ELFN2: variants seen among roughly 807,000 people sequenced by gnomAD.
ELFN2 encodes the protein extracellular leucine rich repeat and fibronectin type III domain containing 2.
A neutral mutation model predicts 45.5 loss-of-function variants in ELFN2; 17 were observed. The observed-to-expected ratio is 0.37, with a 90% CI of 0.26 to 0.56. The LOEUF (loss-of-function observed/expected upper bound fraction) is 0.56. Ranked by LOEUF, ELFN2 falls within the 20% of genes least tolerant of loss-of-function variation. The pLI is 0.77. For synonymous variants in ELFN2, 550 were observed against 551.5 expected (o/e 1.00, Z 0.04); for missense variants, 922 against 1,183.2 (o/e 0.78, Z 3.24).
chr22:37,382,509 C>G (rs1376127349), intron 2 of ELFN2, among the ~76,000 whole-genome samples: 1 of 148,924 alleles, frequency 6.7e-6, no homozygotes, highest in Non-Finnish European at 1.5e-5. Context: ...TCCCAAAGTA[C>G]TGGGATTATA....
intron 2 of ELFN2, among the ~76,000 whole-genome samples, chr22:37,401,345 A>G (rs114804777): frequency 0.039 from 5,949 of 152,330 alleles, 143 homozygotes; most frequent in Middle Eastern, 0.061. Flanking sequence ...TGAGGCCCAG[A>G]GAGCCAAAGC....
rs1005141860 is a variant in ELFN2 at position 37,351,027 on chromosome 22, T to C, written n.149-8324A>G. ...GCTTCTCCTCTCCAGGCCCGGTTCC[T>C]CCTCTTTTAAATGAGGGGTGCCATT... is the stretch of plus-strand genomic sequence containing the variant. On this transcript the variant is annotated intron_variant and non_coding_transcript_variant, in intron 1 of 2. Coordinates refer to ENST00000452946, the Ensembl canonical transcript of ELFN2. Among the ~76,000 whole-genome samples, 18 of 150,214 alleles carry C rather than the reference T, an allele frequency of 1.2e-4. 1 individual carries two copies. The highest frequency in any genetic ancestry group is 3.3e-4 in the Admixed American group (5 of 15,126).
At position 37,351,142 on chromosome 22, in the gene ELFN2, T is replaced by TC. The variant is rs544603343; in HGVS notation, n.149-8440dup. Reference sequence around the variant, plus strand: ...GTGCCCACCTGCCTGCCTCCTCTCCTCCCTCCTCCCTCCTCTCCTCCTTCT... The same window carrying TC: ...GTGCCCACCTGCCTGCCTCCTCTCCTCCCCTCCTCCCTCCTCTCCTCCTTCT... On this transcript the variant is annotated intron_variant and non_coding_transcript_variant, in intron 1 of 2. Coordinates refer to ENST00000452946, the Ensembl canonical transcript of ELFN2. 2.6e-3 allele frequency among the ~76,000 whole-genome samples: 383 copies of TC among 148,670 alleles called. 3 individuals are homozygous for TC. The highest frequency in any genetic ancestry group is 8.7e-3 in the African/African-American group (354 of 40,876).
At chr22:37,408,517 T>C (rs981123018) in intron 2 of ELFN2, among the ~76,000 whole-genome samples, 6 of 152,232 alleles carry the variant, frequency 3.9e-5, no homozygotes, top group South Asian at 2.1e-4. Context: ...TGAAGTCACT[T>C]GCTCAGTAAA....
downstream of ELFN2, among the ~76,000 whole-genome samples, chr22:37,363,018 G>GC (rs1220579651): frequency 6.6e-6 from 1 of 152,164 alleles, no homozygotes; most frequent in African/African-American, 2.4e-5. Flanking sequence ...GCAGCCCAGG[G>GC]CCCCCCGAGG....
At chr22:37,394,546 T>G (rs1932162137) in intron 2 of ELFN2, among the ~76,000 whole-genome samples, 1 of 152,140 alleles carries the variant, frequency 6.6e-6, no homozygotes, top group Admixed American at 6.5e-5. Context: ...CCAGCCCCCG[T>G]GGACCGTCAG....
intron 2 of ELFN2, among the ~76,000 whole-genome samples, chr22:37,400,176 C>T (rs1932327531): frequency 6.6e-6 from 1 of 152,198 alleles, no homozygotes. Flanking sequence ...TCAGGGGCCT[C>T]AACCACCCTC....
chr22:37,419,904 G>T (rs1331522001), intron 1 of ELFN2, among the ~76,000 whole-genome samples: 10 of 152,062 alleles, frequency 6.6e-5, no homozygotes, highest in Non-Finnish European at 1.5e-4. Context: ...TGCCCAGCGC[G>T]GCCCGCCCCG....
In ELFN2 at chr22:37,368,222, C is replaced by G. The variant is rs1931251428; in HGVS notation, c.*4850G>C. On this transcript the variant is annotated 3_prime_UTR_variant, in exon 3 of 3. Transcript: ENST00000402918. ...TTCAGAGCCCAGGGCCTGAGCCCAG[C>G]TCTGCAGGACCCAAACCAGGTGCCC... is the stretch of plus-strand genomic sequence containing the variant. The G allele has an allele frequency of 6.6e-6, 1 of 152,254 alleles. No homozygotes were observed. The highest frequency in any genetic ancestry group is 2.1e-4 in the South Asian group (1 of 4,838). 9.4% of individuals were successfully genotyped at this position (152,254 alleles called of 1,614,324 possible). A position where few individuals can be genotyped will look rare whatever the true frequency, so the allele number is the denominator to read the frequency against.
chr22:37,359,719 G>A (rs1485156807), intron 1 of ELFN2, among the ~76,000 whole-genome samples: 2 of 152,332 alleles, frequency 1.3e-5, no homozygotes, highest in South Asian at 4.1e-4. Context: ...CATGGGGCAG[G>A]GCAGACGAGC....
intron 1 of ELFN2, among the ~76,000 whole-genome samples, chr22:37,347,060 C>T (rs1192324021): frequency 6.6e-6 from 1 of 152,130 alleles, no homozygotes. Flanking sequence ...CTCACTGCAA[C>T]CTCTGCCCCC....
intron 1 of ELFN2, among the ~76,000 whole-genome samples, chr22:37,350,559 G>T (rs1930798657): frequency 6.6e-6 from 1 of 150,458 alleles, no homozygotes; most frequent in African/African-American, 2.4e-5. Context: ...CCCACCGCAG[G>T]GCCCTAGGCC....
rs1471218702 is a variant in ELFN2, at chr22:37,370,353, C to T, written c.*2719G>A. On this transcript the variant is annotated 3_prime_UTR_variant, in exon 3 of 3. Transcript: ENST00000402918. ...ACGGGTTCCTTTCTCAAAGCCCCCA[C>T]CCTCTCCCTGAAGCCCCCCACGAAG... 1 of 152,176 alleles carries T rather than the reference C, an allele frequency of 6.6e-6. No homozygotes were observed. Among genetic ancestry groups the T allele is most frequent in the African/African-American group, 2.4e-5 (1 of 41,342 alleles). 9.4% of individuals were successfully genotyped at this position (152,176 alleles called of 1,614,324 possible). A position where few individuals can be genotyped will look rare whatever the true frequency, so the allele number is the denominator to read the frequency against.
chr22:37,355,635 G>T (rs1930930868), intron 1 of ELFN2, among the ~76,000 whole-genome samples: 1 of 152,150 alleles, frequency 6.6e-6, no homozygotes, highest in Non-Finnish European at 1.5e-5. Context: ...AGGAGCCCCA[G>T]CAGACATCTT....
chr22:37,410,457 G>A (rs932428542), intron 2 of ELFN2, among the ~76,000 whole-genome samples: 3 of 152,048 alleles, frequency 2.0e-5, no homozygotes, highest in African/African-American at 4.8e-5. Flanking sequence ...TGCTGGCTCC[G>A]ACCCTCCAGC....
chr22:37,382,490 G>A (rs931459768), intron 2 of ELFN2, among the ~76,000 whole-genome samples: 23 of 149,286 alleles, frequency 1.5e-4, no homozygotes, highest in African/African-American at 1.5e-4. Context: ...TGATCCGCCC[G>A]CCTCGGCCTC....
In ELFN2 at chr22:37,374,168, GCGGCGTGCACAATGGAGC is replaced by G. The variant is rs1931485355; in HGVS notation, c.1349_1366del (p.Gly450_Ala455del). ...CACGGGAGGCTCGCCCAGCTTCTGG[GCGGCGTGCACAATGGAGC>G]CGGCATCCACATCAGCCCCGTAGCG... On this transcript the variant is annotated inframe_deletion, in exon 3 of 3. Coordinates refer to ENST00000402918, the MANE Select transcript of ELFN2 (RefSeq NM_052906.5). The G allele has an allele frequency of 6.2e-7, 1 of 1,613,158 alleles. No individual in the cohort carries two copies. The highest frequency in any genetic ancestry group is 8.5e-7 in the Non-Finnish European group (1 of 1,180,024).
intron 2 of ELFN2, among the ~76,000 whole-genome samples, chr22:37,413,102 G>A (rs13055725): frequency 0.097 from 14,765 of 152,202 alleles, 861 homozygotes; most frequent in African/African-American, 0.16. Context: ...CAGACGGGGT[G>A]AGGTACAGGA....
At chr22:37,404,372 C>A (rs149227653) in intron 2 of ELFN2, among the ~76,000 whole-genome samples, 1 of 151,902 alleles carries the variant, frequency 6.6e-6, no homozygotes, top group African/African-American at 2.4e-5. Context: ...TCAGGCTTAG[C>A]GAAGAGAGTC....
Sources: allele counts gnomAD v4.1 joint callset (sites outside exome capture counted in the v4.1 genomes callset), GRCh38; gene constraint gnomAD v4.1.1; transcripts MANE v1.5; gene names NCBI Gene and HGNC (gene_info 2026-07-23, HGNC 2026-07-21).